The following RALGAPA1 variants were observed in gnomAD, a reference collection of about 807,000 sequenced individuals.
The protein encoded by RALGAPA1 is Ral GTPase activating protein catalytic subunit alpha 1.
In RALGAPA1, 52 loss-of-function variants were observed where a neutral mutation model predicts 269.6. That is an observed-to-expected ratio of 0.19 (90% CI 0.15 to 0.24). The LOEUF is 0.24. Ranked by LOEUF, RALGAPA1 falls within the 10% of genes least tolerant of loss-of-function variation. RALGAPA1 has a pLI of 1.00. For synonymous variants in RALGAPA1, 817 were observed against 1,008.3 expected (o/e 0.81, Z 3.60); for missense variants, 1,917 against 3,013.9 (o/e 0.64, Z 8.52).
At chr14:35,574,212 C>T (rs1327589612) in intron 37 of RALGAPA1, among the ~76,000 whole-genome samples, 1 of 152,180 alleles carries the variant, frequency 6.6e-6, no homozygotes, top group Non-Finnish European at 1.5e-5. Context: ...ATGCAGGTCT[C>T]AATTTACAGA....
At chr14:35,549,822 G>A (rs1455387814) in intron 39 of RALGAPA1, among the ~76,000 whole-genome samples, 2 of 152,052 alleles carry the variant, frequency 1.3e-5, no homozygotes, top group East Asian at 1.9e-4. Flanking sequence ...AACTCCATGT[G>A]GTTAAGATAA....
chr14:35,557,064 T>C (rs1321360712), intron 39 of RALGAPA1, among the ~76,000 whole-genome samples: 2 of 150,850 alleles, frequency 1.3e-5, no homozygotes, highest in Non-Finnish European at 3.0e-5. Context: ...CATTGGTGGG[T>C]TTCAAAAAGC....
chr14:35,645,391 A>ATG (rs1566909282), intron 31 of RALGAPA1, among the ~76,000 whole-genome samples: 1 of 113,292 alleles, frequency 8.8e-6, no homozygotes, highest in South Asian at 3.3e-4. Context: ...GTGTGTGTGT[A>ATG]TATGTTATGT....
rs200656414 is a variant in RALGAPA1, at chr14:35,674,227, G to A, written c.4870C>T (p.Pro1624Ser). The A allele has an allele frequency of 1.2e-5, 20 of 1,612,152 alleles. No individual in the cohort carries two copies. Among genetic ancestry groups the A allele is most frequent in the Non-Finnish European group, 1.7e-5 (20 of 1,179,042 alleles). ...ATTCTCAGTGGAGGAATTAAAACTG[G>A]TGGAGAAGGGGAGGTCAGGTTATCA... ...STDNLTSPSP[P>S]VLIPPLRILT... Residue 1624 changes from proline (P) to serine (S), a missense_variant, in exon 24 of 42, where the codon CCA (proline) becomes TCA (serine). Pro to Ser is a moderately conservative substitution (Grantham distance 74). Transcript: ENST00000680220.
chr14:35,805,344 A>C (rs899920412), intron 1 of RALGAPA1, among the ~76,000 whole-genome samples: 2 of 150,702 alleles, frequency 1.3e-5, no homozygotes, highest in African/African-American at 4.9e-5. Flanking sequence ...CAAGAGGCTG[A>C]GGCAGGGGGA....
chr14:35,539,769 G>A, intron 41 of RALGAPA1, 79 bp from the exon 42 acceptor site: 1 of 1,559,526 alleles, frequency 6.4e-7, no homozygotes, highest in Non-Finnish European at 8.7e-7. Context: ...CTACTAATCT[G>A]CAGCAAGGAT....
At chr14:35,570,504 T>C (rs2139441371) in intron 39 of RALGAPA1, 113 bp downstream of exon 39, 1 of 874,280 alleles carries the variant, frequency 1.1e-6, no homozygotes, top group East Asian at 3.2e-5. Flanking sequence ...CTACAAAAAA[T>C]AATAATTAAA....
chr14:35,573,591 A>G (rs1156578078), intron 37 of RALGAPA1, among the ~76,000 whole-genome samples: 1 of 152,190 alleles, frequency 6.6e-6, no homozygotes, highest in Non-Finnish European at 1.5e-5. Flanking sequence ...TCTCAGAAAT[A>G]TGTCATTTAT....
intron 37 of RALGAPA1, among the ~76,000 whole-genome samples, chr14:35,577,422 T>G (rs1286977297): frequency 6.6e-6 from 1 of 152,188 alleles, no homozygotes; most frequent in Non-Finnish European, 1.5e-5. Flanking sequence ...TACTTGACTC[T>G]TCTGCTATTA....
At position 35,574,377 on chromosome 14, in the gene RALGAPA1, T is replaced by TA. The variant is rs1388111315; in HGVS notation, c.7210-1660dup. ...TGTTCAAATATCTTCTGTATAGTAT[T>TA]AAAAGTCTGTTAAATAAGTTTAATG... On this transcript the variant is annotated intron_variant, in intron 37 of 41. Transcript: ENST00000680220. Among the ~76,000 whole-genome samples, 6 of 152,330 alleles carry TA rather than the reference T, an allele frequency of 3.9e-5. No individual in the cohort carries two copies. The East Asian group carries it at 1.2e-3, about 29-fold the overall frequency.
chr14:35,746,434 A>G (rs1477290318), intron 10 of RALGAPA1, among the ~76,000 whole-genome samples: 4 of 152,178 alleles, frequency 2.6e-5, no homozygotes, highest in African/African-American at 4.8e-5. Context: ...AATTTTATCT[A>G]TGTAAGGCCA....
At position 35,674,619 on chromosome 14, in the gene RALGAPA1, C is replaced by T. The variant is rs147148745; in HGVS notation, c.4715G>A (p.Arg1572Gln). 1.3e-5 allele frequency: 20 copies of T among 1,588,176 alleles called. No individual in the cohort carries two copies. The highest frequency in any genetic ancestry group is 2.7e-5 in the African/African-American group (2 of 74,316). Residue 1572 changes from arginine (R) to glutamine (Q), a missense_variant, in exon 23 of 42, where the codon CGA becomes CAA. By Grantham distance (43) the Arg-to-Gln change is conservative (BLOSUM62 1). Around this residue, in one of 11 missense-constraint regions of RALGAPA1, gnomAD observed 73 missense variants for 190.6 expected, o/e 0.38. Coordinates refer to ENST00000680220, the MANE Select transcript of RALGAPA1 (RefSeq NM_001346249.2). ...WHADVATVMW[R>Q]RMLGILGDVN... is the part of the protein sequence containing the mutation. ...ATCTCCCAAAATGCCTAGCATTCTTCGCCACATTACAGTAGCAACATCAGC... is the reference window on the plus strand; with the variant it reads ...ATCTCCCAAAATGCCTAGCATTCTTTGCCACATTACAGTAGCAACATCAGC...
intron 31 of RALGAPA1, among the ~76,000 whole-genome samples, chr14:35,648,349 C>T (rs1481262777): frequency 6.6e-6 from 1 of 151,332 alleles, no homozygotes; most frequent in African/African-American, 2.4e-5. Flanking sequence ...GCCTGTAATC[C>T]CAGCTACTCA....
In RALGAPA1 at chr14:35,595,794, A is replaced by G. The variant is rs1337344778; in HGVS notation, c.7054-5T>C. ...ACAATGGTTTGTAAGATTTACCTAG[A>G]AGTAATGAAGAGTCACATAAATTAA... On this transcript the variant is annotated splice_polypyrimidine_tract_variant and splice_region_variant and intron_variant, in intron 36 of 41. Transcript: ENST00000680220. 1 of 1,607,962 alleles carries G rather than the reference A, an allele frequency of 6.2e-7. No individual in the cohort carries two copies. The highest frequency in any genetic ancestry group is 1.3e-5 in the African/African-American group (1 of 74,780).
intron 28 of RALGAPA1, among the ~76,000 whole-genome samples, chr14:35,658,751 TATA>T (rs577806087): frequency 1.1e-3 from 160 of 151,542 alleles, no homozygotes; most frequent in African/African-American, 3.6e-3. Flanking sequence ...TATTACTTTC[TATA>T]ATAAAATATT....
intron 13 of RALGAPA1, among the ~76,000 whole-genome samples, chr14:35,727,918 T>C (rs2070117640): frequency 6.6e-6 from 1 of 152,170 alleles, no homozygotes; most frequent in Non-Finnish European, 1.5e-5. Flanking sequence ...CAGGATCTTA[T>C]CCTGAAAGCT....
At chr14:35,560,847 T>A (rs1445577906) in intron 39 of RALGAPA1, among the ~76,000 whole-genome samples, 1 of 152,214 alleles carries the variant, frequency 6.6e-6, no homozygotes, top group Non-Finnish European at 1.5e-5. Context: ...AGTTATTACA[T>A]ATCAGAGATT....
At chr14:35,725,274 T>A in intron 13 of RALGAPA1, 121 bp from the exon 14 acceptor site, 1 of 599,582 alleles carries the variant, frequency 1.7e-6, no homozygotes. Flanking sequence ...TGAAAGACAA[T>A]TTCAAATGTT....
intron 1 of RALGAPA1, among the ~76,000 whole-genome samples, chr14:35,808,387 G>A (rs2077524524): frequency 6.6e-6 from 1 of 152,144 alleles, no homozygotes; most frequent in Non-Finnish European, 1.5e-5. Flanking sequence ...CTTGGGTGGG[G>A]TTGGCAGTAG....
Sources: allele counts gnomAD v4.1 joint callset (sites outside exome capture counted in the v4.1 genomes callset), GRCh38; gene constraint gnomAD v4.1.1; regional missense constraint gnomAD v4.1.1; transcripts MANE v1.5; gene names NCBI Gene and HGNC (gene_info 2026-07-23, HGNC 2026-07-21).